The following RASA2 variants were observed in gnomAD, a reference collection of about 807,000 sequenced individuals.
RASA2 encodes RAS p21 protein activator 2.
RASA2 carries 155 observed loss-of-function variants against 118.2 expected under a neutral mutation model. That is an observed-to-expected ratio of 1.31 (90% CI 1.15 to 1.50). The LOEUF is 1.50. Ranked by LOEUF, RASA2 falls within the 40% of genes most tolerant of loss-of-function variation. RASA2 has a pLI of 0.00. For synonymous variants in RASA2, 353 were observed against 349.1 expected, an observed-to-expected ratio of 1.01 and a Z score of -0.12; for missense variants, 1,016 against 1,009.6, an observed-to-expected ratio of 1.01 and a Z score of -0.09.
chr3:141,515,263 T>A lies in RASA2; in HGVS notation c.252-1065T>A, dbSNP rs115759986. Among the ~76,000 whole-genome samples the A allele has an allele frequency of 6.4e-3, 971 of 152,266 alleles. 13 individuals carry two copies. The highest frequency in any genetic ancestry group is 0.022 in the African/African-American group (932 of 41,536). On this transcript the variant is annotated intron_variant, in intron 2 of 23. Coordinates refer to ENST00000286364, the MANE Select transcript of RASA2 (RefSeq NM_006506.5). Reference sequence around the variant, plus strand: ...AAAAATAGCTTAATTTAAAAAAAAATTTTGAAGTAGCCTTTCACATAACAT... The same window carrying A: ...AAAAATAGCTTAATTTAAAAAAAAAATTTGAAGTAGCCTTTCACATAACAT...
chr3:141,490,774 A>G (rs1309882217), intron 1 of RASA2, among the ~76,000 whole-genome samples: 2 of 152,172 alleles, frequency 1.3e-5, no homozygotes, highest in East Asian at 3.8e-4. Context: ...CTGGGTTTGA[A>G]TCTTCACCTA....
At position 141,607,672 on chromosome 3, in the gene RASA2, A is replaced by G; in HGVS notation, c.1934-6A>G. The G allele has an allele frequency of 6.4e-7, 1 of 1,565,938 alleles. No individual in the cohort carries two copies. Among genetic ancestry groups the G allele is most frequent in the Non-Finnish European group, 8.6e-7 (1 of 1,162,916 alleles). On this transcript the variant is annotated splice_polypyrimidine_tract_variant and splice_region_variant and intron_variant, in intron 19 of 23. Transcript: ENST00000286364. ...TTAATTTTGTTTTACTTTTTTTATT[A>G]TTTAGGCAAAGATGCAATCTACACA...
At chr3:141,598,313 A>G (rs1423325364) in intron 19 of RASA2, among the ~76,000 whole-genome samples, 2 of 152,248 alleles carry the variant, frequency 1.3e-5, no homozygotes, top group Non-Finnish European at 2.9e-5. Flanking sequence ...GGTTTGTCCC[A>G]AGTATATAAA....
chr3:141,506,587 G>T (rs1454751165), intron 1 of RASA2, among the ~76,000 whole-genome samples: 1 of 152,114 alleles, frequency 6.6e-6, no homozygotes, highest in African/African-American at 2.4e-5. Context: ...CACCCAAAAT[G>T]GTGCACACGA....
intron 2 of RASA2, among the ~76,000 whole-genome samples, chr3:141,513,391 TA>T (rs2081981453): frequency 1.3e-5 from 2 of 152,170 alleles, no homozygotes; most frequent in African/African-American, 4.8e-5. Context: ...TCTTTAGTCT[TA>T]ATTCTCATAT....
intron 1 of RASA2, among the ~76,000 whole-genome samples, chr3:141,494,114 C>CA (rs2081670258): frequency 6.6e-6 from 1 of 152,216 alleles, no homozygotes; most frequent in African/African-American, 2.4e-5. Context: ...ATTGCTATTA[C>CA]AGACATTACT....
chr3:141,609,359 C>A (rs2083599996), intron 21 of RASA2, 61 bp from the exon 22 acceptor site: 1 of 1,056,134 alleles, frequency 9.5e-7, no homozygotes, highest in Non-Finnish European at 1.3e-6. Context: ...CATCAGAAGT[C>A]CTTGGCATGT....
chr3:141,609,237 T>C (rs1006572016), intron 21 of RASA2, among the ~76,000 whole-genome samples, 183 bp from the exon 22 acceptor site: 1 of 152,130 alleles, frequency 6.6e-6, no homozygotes, highest in Non-Finnish European at 1.5e-5. Context: ...CTGATTAGAG[T>C]CACATAACAA....
In RASA2 at chr3:141,540,578, A is replaced by G. The variant is rs777086839; in HGVS notation, c.496A>G (p.Asn166Asp). ...AAAACTGAATGAACTGATAACGGAG[A>G]ATGGAACTGTATGCCAGCAGCTTGT... ...ELKLNELITE[N>D]GTVCQQLVVH... The change falls in exon 5 of 24, where the codon AAT (asparagine) becomes GAT (aspartate). Residue 166 changes from asparagine to aspartate, a missense_variant. Asn to Asp is a conservative substitution (Grantham distance 23). Around this residue, in one of 2 missense-constraint regions of RASA2, gnomAD observed 896 missense variants for 836.4 expected, o/e 1.07. Transcript: ENST00000286364. 2.5e-6 allele frequency: 4 copies of G among 1,612,950 alleles called. No homozygotes were observed. The highest frequency in any genetic ancestry group is 3.4e-6 in the Non-Finnish European group (4 of 1,179,232).
intron 1 of RASA2, among the ~76,000 whole-genome samples, chr3:141,505,334 A>G (rs2081849158): frequency 6.6e-6 from 1 of 152,240 alleles, no homozygotes; most frequent in Non-Finnish European, 1.5e-5. Flanking sequence ...GAAATGCAAC[A>G]AGTACAAAAC....
chr3:141,572,029 CAT>C (rs10568210), intron 11 of RASA2, among the ~76,000 whole-genome samples: 41,011 of 120,666 alleles, frequency 0.34, 6,395 homozygotes, highest in East Asian at 0.51. Context: ...TTTAAAAAAA[CAT>C]ATATATATAT....
At chr3:141,607,827 G>C in intron 20 of RASA2, 67 bp downstream of exon 20, 1 of 1,426,000 alleles carries the variant, frequency 7.0e-7, no homozygotes, top group Non-Finnish European at 9.3e-7. Flanking sequence ...TTTGTATTTC[G>C]AGGTATTTGT....
intron 19 of RASA2, chr3:141,590,233 T>A (rs2083267685): frequency 4.4e-6 from 2 of 452,078 alleles, no homozygotes; most frequent in Non-Finnish European, 8.9e-6. Context: ...CAGGGCTGCT[T>A]AAAGGTGTGT....
At chr3:141,498,571 C>A (rs1003936721) in intron 1 of RASA2, among the ~76,000 whole-genome samples, 1 of 152,122 alleles carries the variant, frequency 6.6e-6, no homozygotes, top group African/African-American at 2.4e-5. Context: ...TACACACATA[C>A]ATACACACAC....
chr3:141,607,702 C>T lies in RASA2; in HGVS notation c.1958C>T (p.Pro653Leu). 4 of 1,596,872 alleles carry T rather than the reference C, an allele frequency of 2.5e-6. No individual in the cohort carries two copies. The highest frequency in any genetic ancestry group is 3.4e-6 in the Non-Finnish European group (4 of 1,173,610). ...QPGKDAIYTI[P>L]VKNILAVEKL... ...GGCAAAGATGCAATCTACACAATCC[C>T]AGTAAAAAACATTCTTGCTGTGGAA... The change falls in exon 20 of 24, where the codon CCA becomes CTA. Residue 653 changes from proline (P) to leucine (L), a missense_variant. Around this residue, in one of 2 missense-constraint regions of RASA2, gnomAD observed 896 missense variants for 836.4 expected, o/e 1.07. Coordinates refer to ENST00000286364, the MANE Select transcript of RASA2 (RefSeq NM_006506.5).
chr3:141,606,722 CA>C (rs1221998983), intron 19 of RASA2, among the ~76,000 whole-genome samples: 19 of 144,460 alleles, frequency 1.3e-4, no homozygotes, highest in East Asian at 2.0e-4. Context: ...TCTGTCAAGA[CA>C]AAAAAAAAAG....
intron 19 of RASA2, among the ~76,000 whole-genome samples, chr3:141,587,705 C>T (rs1228650793): frequency 1.0e-4 from 14 of 134,792 alleles, no homozygotes; most frequent in African/African-American, 3.7e-4. Flanking sequence ...CAGAGCAAGA[C>T]TCCATCTCAA....
chr3:141,568,394 C>T (rs886938189), intron 9 of RASA2, among the ~76,000 whole-genome samples: 1 of 151,604 alleles, frequency 6.6e-6, no homozygotes, highest in Non-Finnish European at 1.5e-5. Context: ...ATTATATAAG[C>T]ATGAAGAAAA....
intron 14 of RASA2, among the ~76,000 whole-genome samples, chr3:141,576,288 A>G (rs1158668994): frequency 2.0e-5 from 3 of 152,342 alleles, no homozygotes; most frequent in East Asian, 1.9e-4. Flanking sequence ...GAAAGCAGAT[A>G]TTACTAAAGA....
Sources: gnomAD v4.1 joint callset for allele counts (sites outside exome capture counted in the v4.1 genomes callset) on GRCh38, gnomAD v4.1.1 for gene constraint, gnomAD v4.1.1 regional missense constraint, MANE v1.5 for transcripts, NCBI Gene and HGNC (gene_info 2026-07-23, HGNC 2026-07-21) for gene names.